The following GREB1 variants were observed in gnomAD, a reference collection of about 807,000 sequenced individuals.
GREB1 encodes the protein protein GREB1.
GREB1 carries 106 observed loss-of-function variants against 200.7 expected under a neutral mutation model. That is an observed-to-expected ratio of 0.53 (90% confidence interval 0.45 to 0.62). The LOEUF is 0.62. GREB1 is among the 20% of genes least tolerant of loss of function. GREB1 has a pLI of 0.00. For synonymous variants in GREB1, 1,132 were observed against 1,092.4 expected (o/e 1.04, Z -0.72); for missense variants, 2,243 against 2,556.8 (o/e 0.88, Z 2.65).
chr2:11,607,531 C>CAT (rs201340748), intron 17 of GREB1, among the ~76,000 whole-genome samples: 7 of 140,568 alleles, frequency 5.0e-5, no homozygotes, highest in Middle Eastern at 3.7e-3. Context: ...TATATATACA[C>CAT]ATATATATAC....
At chr2:11,621,119 A>G in intron 23 of GREB1, 112 bp downstream of exon 23, 1 of 729,184 alleles carries the variant, frequency 1.4e-6, no homozygotes, top group South Asian at 1.6e-5. Context: ...TCATGATCAG[A>G]CTCATCCCAA....
intron 1 of GREB1, among the ~76,000 whole-genome samples, chr2:11,522,156 A>G (rs900461121): frequency 4.6e-5 from 7 of 152,154 alleles, no homozygotes; most frequent in African/African-American, 1.7e-4. Flanking sequence ...CATTTGCATT[A>G]TAAGATTTTC....
At chr2:11,617,495 C>G (rs1402756984) in intron 21 of GREB1, among the ~76,000 whole-genome samples, 1 of 152,364 alleles carries the variant, frequency 6.6e-6, no homozygotes, top group Middle Eastern at 3.4e-3. Context: ...GTCTTTTGCA[C>G]ACATTTTCAC....
intron 23 of GREB1, among the ~76,000 whole-genome samples, chr2:11,621,844 C>T (rs188851764): frequency 6.6e-6 from 1 of 152,324 alleles, no homozygotes; most frequent in East Asian, 1.9e-4. Flanking sequence ...AGAGGCTCTT[C>T]AGCTGGCTCT....
intron 1 of GREB1, among the ~76,000 whole-genome samples, chr2:11,527,588 C>T (rs966707304): frequency 5.9e-5 from 9 of 152,156 alleles, no homozygotes; most frequent in Non-Finnish European, 1.0e-4. Flanking sequence ...ACAACCCATC[C>T]CCTGGACAGT....
rs1682870936 is a variant in GREB1, at chr2:11,611,003, G to A, written c.2982G>A (p.Gly994=). The change falls in exon 18 of 33, where the codon GGG becomes GGA. Residue 994 remains glycine (G), a synonymous_variant. Transcript: ENST00000381486. ...GTCCCAGCTCAGGCGTCACCGTGGG[G>A]AAGCACTTCGTAAAGCAGCTCAGGG... is the stretch of plus-strand genomic sequence containing the variant. The part of the protein sequence containing the change: ...LGSPSSGVTV[G]KHFVKQLRMW... The A allele has an allele frequency of 1.9e-6, 3 of 1,597,778 alleles. No individual in the cohort carries two copies. In the South Asian group the frequency reaches 3.4e-5, roughly 18 times the overall value.
chr2:11,545,849 T>C lies in GREB1; in HGVS notation c.-161-10605T>C, dbSNP rs986238224. ...CCTGACAGATAGCAGCTGTTGATTATACTTAAAATGTTTGGGGTTTGTGTC... is the reference window on the plus strand; with the variant it reads ...CCTGACAGATAGCAGCTGTTGATTACACTTAAAATGTTTGGGGTTTGTGTC... On this transcript the variant is annotated intron_variant, in intron 1 of 32. Transcript: ENST00000381486. Among the ~76,000 whole-genome samples, 3 of 151,898 alleles carry C rather than the reference T, an allele frequency of 2.0e-5. No individual in the cohort carries two copies. In the East Asian group the frequency reaches 5.8e-4, roughly 29 times the overall value.
chr2:11,587,694 A>ACACACACACAC lies in GREB1; in HGVS notation c.1160-1052_1160-1051insCACACACACAC, dbSNP rs1680274690. 3 of 707,116 alleles carry ACACACACACAC rather than the reference A, an allele frequency of 4.2e-6. No homozygotes were observed. In the African/African-American group the frequency reaches 7.7e-5, roughly 18 times the overall value. 43.8% of individuals were successfully genotyped at this position (707,116 alleles called of 1,614,324 possible). A position where few individuals can be genotyped will look rare whatever the true frequency, so the allele number is the denominator to read the frequency against. ...AAATGGAGTACCTGGAGTACAAGAT[A>ACACACACACAC]ACACACACACACACACACACACACA... On this transcript the variant is annotated intron_variant, in intron 9 of 32. Coordinates refer to ENST00000381486, the MANE Select transcript of GREB1 (RefSeq NM_014668.4).
At chr2:11,587,430 C>T in intron 9 of GREB1, 1 of 1,614,020 alleles carries the variant, frequency 6.2e-7, no homozygotes, top group Admixed American at 1.7e-5. Context: ...CCGGCAGAAC[C>T]TGCATCGCCC....
At chr2:11,586,427 C>T (rs1474058233) in intron 9 of GREB1, among the ~76,000 whole-genome samples, 1 of 152,224 alleles carries the variant, frequency 6.6e-6, no homozygotes, top group Non-Finnish European at 1.5e-5. Context: ...CTGTTTTGTG[C>T]AGTGGGCTAA....
chr2:11,598,588 G>C (rs1006970538), intron 14 of GREB1, 92 bp from the exon 15 acceptor site: 6 of 1,108,788 alleles, frequency 5.4e-6, no homozygotes, highest in Admixed American at 1.9e-5. Context: ...CTCAGGACCT[G>C]CTGTGTAGGA....
chr2:11,618,731 T>TC lies in GREB1; in HGVS notation c.3861dup (p.Ser1288LeufsTer89). 1 of 1,612,648 alleles carries TC rather than the reference T, an allele frequency of 6.2e-7. No homozygotes were observed. The highest frequency in any genetic ancestry group is 8.5e-7 in the Non-Finnish European group (1 of 1,179,288). ...GCCCAAGGCCGCCTCCCTCCTGCCC[T>TC]CCCCCTCGGTCATGTGGGCCAGCTC... On this transcript the variant is annotated frameshift_variant, in exon 22 of 33. Coordinates refer to ENST00000381486, the MANE Select transcript of GREB1 (RefSeq NM_014668.4). LOFTEE classifies it high-confidence loss of function.
intron 7 of GREB1, chr2:11,581,147 GTGT>G (rs1679437058): frequency 6.8e-6 from 4 of 587,812 alleles, no homozygotes; most frequent in Non-Finnish European, 9.1e-6. Flanking sequence ...AGTGGGCAGT[GTGT>G]TGTTGGGGAA....
intron 1 of GREB1, among the ~76,000 whole-genome samples, chr2:11,521,302 G>T (rs904480611): frequency 7.9e-5 from 12 of 152,062 alleles, no homozygotes; most frequent in African/African-American, 2.9e-4. Flanking sequence ...TAGAGATGGG[G>T]TGTCACAATG....
chr2:11,538,282 G>A (rs1272126974), intron 1 of GREB1, among the ~76,000 whole-genome samples: 3 of 152,298 alleles, frequency 2.0e-5, no homozygotes, highest in East Asian at 1.9e-4. Flanking sequence ...ACCCTTTAGC[G>A]CCTGGCAATT....
intron 7 of GREB1, among the ~76,000 whole-genome samples, chr2:11,583,998 C>T (rs1033059565): frequency 1.3e-5 from 2 of 152,054 alleles, no homozygotes; most frequent in Admixed American, 6.6e-5. Flanking sequence ...TGCAGTGCCT[C>T]GGGTCACACC....
At chr2:11,590,419 T>G (rs891055981) in intron 10 of GREB1, among the ~76,000 whole-genome samples, 1 of 152,110 alleles carries the variant, frequency 6.6e-6, no homozygotes, top group African/African-American at 2.4e-5. Flanking sequence ...CCCACCTGCT[T>G]GCTCTGTCCC....
chr2:11,530,231 T>G (rs1440880526), upstream of GREB1, among the ~76,000 whole-genome samples: 2 of 151,806 alleles, frequency 1.3e-5, no homozygotes, highest in Non-Finnish European at 2.9e-5. Context: ...CCAGCTAATT[T>G]TTGCACTTTT....
chr2:11,602,303 G>A (rs2148249340), intron 16 of GREB1, 103 bp from the exon 17 acceptor site: 1 of 967,654 alleles, frequency 1.0e-6, no homozygotes, highest in Non-Finnish European at 1.6e-6. Flanking sequence ...GGCACGATTT[G>A]GATGAAGTTG....
Sources: gnomAD v4.1 joint callset for allele counts (sites outside exome capture counted in the v4.1 genomes callset) on GRCh38, gnomAD v4.1.1 for gene constraint, MANE v1.5 for transcripts, NCBI Gene and HGNC (gene_info 2026-07-23, HGNC 2026-07-21) for gene names.